Variants in ESR1 observed in about 807,000 individuals in gnomAD.
ESR1 encodes estrogen receptor.
ESR1 carries 12 observed loss-of-function variants against 52.7 expected under a neutral mutation model. The ratio of observed to expected loss-of-function variants is 0.23; its 90% CI spans 0.15 to 0.37. The LOEUF (loss-of-function observed/expected upper bound fraction) is 0.37. ESR1 is among the 10% of genes least tolerant of loss of function. ESR1 has a pLI of 1.00. For synonymous variants in ESR1, 305 were observed against 316.8 expected, an observed-to-expected ratio of 0.96 and a Z score of 0.39; for missense variants, 584 against 779.7, an observed-to-expected ratio of 0.75 and a Z score of 2.99.
chr6:152,072,075 G>A (rs1427579783), intron 6 of ESR1, among the ~76,000 whole-genome samples: 1 of 142,682 alleles, frequency 7.0e-6, no homozygotes, highest in African/African-American at 2.9e-5. Context: ...GAGGGTAGAC[G>A]GCTTCCCCGC....
At chr6:152,063,320 A>C (rs2047695450) in intron 6 of ESR1, among the ~76,000 whole-genome samples, 2 of 152,216 alleles carry the variant, frequency 1.3e-5, no homozygotes, top group African/African-American at 4.8e-5. Flanking sequence ...GAGATAACAC[A>C]GCGGCTGGCA....
At chr6:151,910,625 G>A (rs1477549045) in intron 3 of ESR1, among the ~76,000 whole-genome samples, 1 of 152,144 alleles carries the variant, frequency 6.6e-6, no homozygotes, top group Admixed American at 6.5e-5. Context: ...GTCTCAAGCT[G>A]TAGTTAATGG....
intron 2 of ESR1, among the ~76,000 whole-genome samples, chr6:151,774,497 G>A (rs1638475743): frequency 6.6e-6 from 1 of 152,222 alleles, no homozygotes; most frequent in African/African-American, 2.4e-5. Context: ...GTACTACATT[G>A]TGGTCTTCCT....
rs538478943 is a variant in ESR1 at position 151,672,628 on chromosome 6, C to T, written n.73+15865C>T. 1.5e-4 allele frequency among the ~76,000 whole-genome samples: 22 copies of T among 150,130 alleles called. No individual in the cohort carries two copies. The South Asian group carries it at 1.7e-3, about 12-fold the overall frequency. ...CTGGGATAACAGGCGTGAGCCACTG[C>T]GCCAGGTCATTTTTTTGTATTTTTA... On this transcript the variant is annotated intron_variant and non_coding_transcript_variant, in intron 1 of 2. Coordinates refer to the ESR1 transcript ENST00000473497.
chr6:152,047,045 G>C (rs891671438), intron 5 of ESR1, among the ~76,000 whole-genome samples: 1 of 152,044 alleles, frequency 6.6e-6, no homozygotes, highest in Non-Finnish European at 1.5e-5. Context: ...AATGAAGTCT[G>C]GAATATCTCC....
At chr6:151,762,478 C>G (rs1784731694) in intron 2 of ESR1, among the ~76,000 whole-genome samples, 1 of 152,142 alleles carries the variant, frequency 6.6e-6, no homozygotes. Flanking sequence ...TAAGGGGCCT[C>G]TTTAAATCCC....
At chr6:151,847,057 G>T (rs1010679897) in intron 2 of ESR1, among the ~76,000 whole-genome samples, 19 of 152,142 alleles carry the variant, frequency 1.2e-4, no homozygotes, top group African/African-American at 3.9e-4. Context: ...TTTCTATAAG[G>T]TGCCAACAGA....
At chr6:151,682,766 A>G (rs1582880694) in intron 1 of ESR1, among the ~76,000 whole-genome samples, 2 of 152,198 alleles carry the variant, frequency 1.3e-5, no homozygotes, top group East Asian at 3.8e-4. Context: ...CTTCAGAAAA[A>G]TGCACATATT....
chr6:151,894,546 C>G (rs1280713866), intron 3 of ESR1, among the ~76,000 whole-genome samples: 1 of 152,126 alleles, frequency 6.6e-6, no homozygotes, highest in Non-Finnish European at 1.5e-5. Context: ...CTTGATCCAT[C>G]TTGAGTTGAT....
At chr6:151,952,296 A>G (rs1226694147) in intron 4 of ESR1, among the ~76,000 whole-genome samples, 2 of 152,200 alleles carry the variant, frequency 1.3e-5, no homozygotes, top group Non-Finnish European at 2.9e-5. Flanking sequence ...TCTTTCTTCA[A>G]CAGACTCTGG....
At chr6:152,034,514 G>GT (rs79388591) in intron 5 of ESR1, among the ~76,000 whole-genome samples, 17,551 of 151,874 alleles carry the variant, frequency 0.12, 1,257 homozygotes, top group East Asian at 0.33. Context: ...TTATAATTAA[G>GT]TCTATGTTCT....
intron 3 of ESR1, among the ~76,000 whole-genome samples, chr6:151,909,623 A>T (rs985761757): frequency 2.6e-5 from 4 of 152,182 alleles, no homozygotes; most frequent in African/African-American, 9.7e-5. Flanking sequence ...CTGTTCCTGG[A>T]AGAAGCATGG....
At chr6:152,035,150 C>T (rs2045173201) in intron 5 of ESR1, among the ~76,000 whole-genome samples, 1 of 152,080 alleles carries the variant, frequency 6.6e-6, no homozygotes, top group African/African-American at 2.4e-5. Flanking sequence ...CTATTTAAAA[C>T]ATTCTTAGAT....
intron 5 of ESR1, among the ~76,000 whole-genome samples, chr6:152,026,740 A>G (rs2044175073): frequency 6.6e-6 from 1 of 152,128 alleles, no homozygotes; most frequent in Non-Finnish European, 1.5e-5. Context: ...CTTCCTTTAT[A>G]AAGCATTCAT....
intron 5 of ESR1, among the ~76,000 whole-genome samples, chr6:152,037,977 A>G (rs139024547): frequency 7.9e-5 from 12 of 152,290 alleles, no homozygotes; most frequent in African/African-American, 2.9e-4. Flanking sequence ...ATTGACTCAC[A>G]CCATCACAAG....
chr6:151,922,465 G>A (rs1186913839), intron 3 of ESR1, among the ~76,000 whole-genome samples: 1 of 152,134 alleles, frequency 6.6e-6, no homozygotes, highest in Non-Finnish European at 1.5e-5. Flanking sequence ...CAGCCATCTA[G>A]AACCCATGAA....
intron 3 of ESR1, among the ~76,000 whole-genome samples, chr6:151,883,579 T>C (rs1793331401): frequency 1.3e-5 from 2 of 152,002 alleles, no homozygotes; most frequent in Admixed American, 1.3e-4. Flanking sequence ...CATTTAACCT[T>C]AGTTACCGCC....
intron 1 of ESR1, among the ~76,000 whole-genome samples, chr6:151,676,434 G>A (rs1425311689): frequency 6.6e-6 from 1 of 152,200 alleles, no homozygotes; most frequent in African/African-American, 2.4e-5. Flanking sequence ...AGCATTGCCT[G>A]GGCTTTTCCT....
intron 4 of ESR1, among the ~76,000 whole-genome samples, chr6:152,010,907 CTCT>C (rs35071978): frequency 0.13 from 19,711 of 151,714 alleles, 1,493 homozygotes; most frequent in East Asian, 0.33. Context: ...CCTCCTCCTC[CTCT>C]TCTTCTTCCT....
Sources: allele counts gnomAD v4.1 joint callset (sites outside exome capture counted in the v4.1 genomes callset), GRCh38; gene constraint gnomAD v4.1.1; transcripts MANE v1.5; gene names NCBI Gene and HGNC (gene_info 2026-07-23, HGNC 2026-07-21).